The following EDN1 variants were observed in gnomAD, a reference collection of about 807,000 sequenced individuals.
EDN1 encodes endothelin-1.
Under a neutral mutation model 21.7 loss-of-function variants are expected in EDN1, and 11 were observed. The ratio of observed to expected loss-of-function variants is 0.51; its 90% CI spans 0.32 to 0.84. The LOEUF is 0.84. EDN1 is among the 40% of genes least tolerant of loss of function. The probability of loss-of-function intolerance (pLI) is 0.03; values close to 1 mark genes in which losing one functional copy is unlikely to be tolerated. For missense variants in EDN1, 244 were observed against 262.3 expected (o/e 0.93, Z 0.48); for synonymous variants, 85 against 90.6 (o/e 0.94, Z 0.35).
the EDN1 span, among the ~76,000 whole-genome samples, chr6:12,250,581 A>T: frequency 1.3e-5 from 2 of 152,162 alleles, no homozygotes; most frequent in Admixed American, 6.6e-5. Context: ...CATGTTGCAT[A>T]ATCTGGGGAA....
the EDN1 span, among the ~76,000 whole-genome samples, chr6:12,271,449 AAT>A: frequency 6.6e-6 from 1 of 152,286 alleles, no homozygotes; most frequent in East Asian, 1.9e-4. Flanking sequence ...GTTGCATACA[AAT>A]ATTCTAGACT....
chr6:12,236,823 C>CT, the EDN1 span, among the ~76,000 whole-genome samples: 2 of 144,298 alleles, frequency 1.4e-5, no homozygotes, highest in African/African-American at 2.6e-5. Flanking sequence ...AAGTATATTT[C>CT]TTTTTTTTAA....
chr6:12,264,116 T>C, the EDN1 span, among the ~76,000 whole-genome samples: 1 of 152,210 alleles, frequency 6.6e-6, no homozygotes, highest in South Asian at 2.1e-4. Flanking sequence ...GCTTTCATAA[T>C]AGTACGAATA....
rs1191532177 is a variant in EDN1 at position 12,293,946 on chromosome 6, T to A, written c.239T>A (p.Val80Asp). The stretch of plus-strand genomic sequence containing the variant: ...TTTCTCTCTTTGGATAATAGGCACG[T>A]TGTTCCGTATGGACTTGGAAGCCCT... ...DIIWVNTPEH[V>D]VPYGLGSPRS... is the part of the protein sequence containing the mutation. The change falls in exon 3 of 5, where the codon GTT becomes GAT. Residue 80 changes from valine (V) to aspartate (D), a missense_variant. By Grantham distance (152) the Val-to-Asp change is radical. Coordinates refer to ENST00000379375, the MANE Select transcript of EDN1 (RefSeq NM_001955.5). 1 of 1,614,174 alleles carries A rather than the reference T, an allele frequency of 6.2e-7. No individual in the cohort carries two copies. Among genetic ancestry groups the A allele is most frequent in the Non-Finnish European group, 8.5e-7 (1 of 1,180,018 alleles).
chr6:12,267,729 A>G, the EDN1 span, among the ~76,000 whole-genome samples: 1 of 152,216 alleles, frequency 6.6e-6, no homozygotes, highest in African/African-American at 2.4e-5. Flanking sequence ...GCACTAAACA[A>G]CAGATCTTCA....
At chr6:12,267,704 T>C in the EDN1 span, among the ~76,000 whole-genome samples, 40 of 152,310 alleles carry the variant, frequency 2.6e-4, no homozygotes, top group East Asian at 1.4e-3. Flanking sequence ...CTTAAGATCA[T>C]TGGGGAAGGT....
At chr6:12,287,814 G>GC (rs144160017), upstream of EDN1, among the ~76,000 whole-genome samples, 4,792 of 151,538 alleles carry the variant, frequency 0.032, 88 homozygotes, top group Middle Eastern at 0.055. Context: ...AGAGACAGGG[G>GC]CACCATTATA....
the EDN1 span, among the ~76,000 whole-genome samples, chr6:12,282,259 A>T: frequency 6.6e-6 from 1 of 152,224 alleles, no homozygotes; most frequent in African/African-American, 2.4e-5. Context: ...CCAAAAAGAT[A>T]GTTTCTTCCA....
chr6:12,293,361 G>A (rs1042992804), intron 2 of EDN1, among the ~76,000 whole-genome samples: 3 of 152,186 alleles, frequency 2.0e-5, no homozygotes, highest in African/African-American at 7.2e-5. Flanking sequence ...AATTATTGGA[G>A]AGCCCTCTGG....
At chr6:12,255,323 A>C in the EDN1 span, among the ~76,000 whole-genome samples, 1 of 152,244 alleles carries the variant, frequency 6.6e-6, no homozygotes, top group East Asian at 1.9e-4. Flanking sequence ...ATAGGTTAGC[A>C]TACTACATCA....
chr6:12,245,598 T>C, the EDN1 span, among the ~76,000 whole-genome samples: 1 of 152,142 alleles, frequency 6.6e-6, no homozygotes, highest in African/African-American at 2.4e-5. Context: ...CTGGGCTATG[T>C]CCCTTGCTAA....
At chr6:12,247,434 A>G in the EDN1 span, among the ~76,000 whole-genome samples, 1 of 152,122 alleles carries the variant, frequency 6.6e-6, no homozygotes, top group Non-Finnish European at 1.5e-5. Context: ...TCTAGACCAG[A>G]TCAAACAAGA....
chr6:12,279,798 T>C, the EDN1 span, among the ~76,000 whole-genome samples: 3 of 151,904 alleles, frequency 2.0e-5, no homozygotes, highest in South Asian at 2.1e-4. Context: ...AAAAGGAAAA[T>C]CCAGCATGAA....
At chr6:12,281,222 T>C in the EDN1 span, among the ~76,000 whole-genome samples, 1 of 152,222 alleles carries the variant, frequency 6.6e-6, no homozygotes, top group Non-Finnish European at 1.5e-5. Flanking sequence ...GATTTTGATA[T>C]TGTTTCACCC....
the EDN1 span, among the ~76,000 whole-genome samples, chr6:12,245,478 T>C: frequency 6.6e-6 from 1 of 152,144 alleles, no homozygotes; most frequent in Non-Finnish European, 1.5e-5. Context: ...TAAAGTGGAG[T>C]GTTCCAAGTA....
chr6:12,264,639 A>G, the EDN1 span, among the ~76,000 whole-genome samples: 79 of 152,232 alleles, frequency 5.2e-4, no homozygotes, highest in Admixed American at 6.5e-4. Flanking sequence ...TTGCAAAAAA[A>G]CTCAATGTTT....
chr6:12,276,807 G>C, the EDN1 span, among the ~76,000 whole-genome samples: 5 of 152,228 alleles, frequency 3.3e-5, no homozygotes, highest in African/African-American at 1.2e-4. Context: ...GGGAGGCAGG[G>C]CCATTTTGAA....
the EDN1 span, among the ~76,000 whole-genome samples, chr6:12,273,406 C>T: frequency 6.6e-6 from 1 of 152,080 alleles, no homozygotes; most frequent in African/African-American, 2.4e-5. Context: ...CACAGTGTCT[C>T]TCTCAGAACT....
At chr6:12,274,400 A>G in the EDN1 span, among the ~76,000 whole-genome samples, 1 of 152,216 alleles carries the variant, frequency 6.6e-6, no homozygotes, top group Admixed American at 6.5e-5. Context: ...CCATCAAAAC[A>G]TATTAGGCAT....
Sources: gnomAD v4.1 joint callset for allele counts (sites outside exome capture counted in the v4.1 genomes callset) on GRCh38, gnomAD v4.1.1 for gene constraint, MANE v1.5 for transcripts, NCBI Gene and HGNC (gene_info 2026-07-23, HGNC 2026-07-21) for gene names.